The following METTL24 variants were observed in gnomAD, a reference collection of about 807,000 sequenced individuals.
The protein encoded by METTL24 is methyltransferase like 24, also known as probable methyltransferase-like protein 24.
Under a neutral mutation model 32.7 loss-of-function variants are expected in METTL24, and 29 were observed. That is an observed-to-expected ratio of 0.89 (90% confidence interval 0.66 to 1.21). METTL24 has a LOEUF of 1.21. METTL24 is among the 50% of genes most tolerant of loss of function. The pLI is 0.00. For missense variants in METTL24, 439 were observed against 468.1 expected, an observed-to-expected ratio of 0.94 and a Z score of 0.57; for synonymous variants, 163 against 179.5, an observed-to-expected ratio of 0.91 and a Z score of 0.73.
Position 110,355,026 on chromosome 6 carries a change from T to C in METTL24, c.318+2929A>G, listed in dbSNP as rs538336870. On this transcript the variant is annotated intron_variant, in intron 1 of 4. Transcript: ENST00000338882. ...GTAAGATTCTTATACTTTCACATAC[T>C]GGGGTCTCAGGAGTAAACATTTACT... Among the ~76,000 whole-genome samples, 19 of 152,304 alleles carry C rather than the reference T, an allele frequency of 1.2e-4. No individual in the cohort carries two copies. The South Asian group carries it at 3.5e-3, about 28-fold the overall frequency.
chr6:110,341,155 T>C (rs910619113), intron 1 of METTL24, among the ~76,000 whole-genome samples: 1 of 152,186 alleles, frequency 6.6e-6, no homozygotes, highest in Non-Finnish European at 1.5e-5. Flanking sequence ...ATTATACATA[T>C]AGATGGCACT....
At chr6:110,251,841 C>T (rs1463719520) in intron 4 of METTL24, among the ~76,000 whole-genome samples, 1 of 128,592 alleles carries the variant, frequency 7.8e-6, no homozygotes, top group South Asian at 3.0e-4. Flanking sequence ...AAAGGCCACA[C>T]CCCTTCATAC....
At chr6:110,309,514 G>A (rs1014105998) in intron 3 of METTL24, among the ~76,000 whole-genome samples, 1 of 152,148 alleles carries the variant, frequency 6.6e-6, no homozygotes, top group African/African-American at 2.4e-5. Context: ...CCAAGACTGG[G>A]CAATTTATAA....
At chr6:110,293,101 A>G (rs2114726709) in intron 4 of METTL24, among the ~76,000 whole-genome samples, 1 of 152,058 alleles carries the variant, frequency 6.6e-6, no homozygotes, top group African/African-American at 2.4e-5. Flanking sequence ...TATGAACTCT[A>G]GAATCAGCTT....
At chr6:110,319,476 A>G (rs890739415) in intron 2 of METTL24, among the ~76,000 whole-genome samples, 5 of 150,014 alleles carry the variant, frequency 3.3e-5, no homozygotes, top group African/African-American at 1.2e-4. Flanking sequence ...AGACAGAAAA[A>G]CAGGCTTTAA....
intron 4 of METTL24, among the ~76,000 whole-genome samples, chr6:110,281,342 C>T (rs1031751264): frequency 1.3e-5 from 2 of 152,012 alleles, no homozygotes; most frequent in Admixed American, 6.6e-5. Context: ...CCTTGCACAT[C>T]AAATGGGGTG....
chr6:110,300,124 G>A (rs748647497), intron 3 of METTL24, among the ~76,000 whole-genome samples: 4 of 152,038 alleles, frequency 2.6e-5, no homozygotes, highest in Admixed American at 6.6e-5. Flanking sequence ...TGGGTTCCAC[G>A]TCCACAAATT....
intron 4 of METTL24, among the ~76,000 whole-genome samples, chr6:110,278,625 C>T (rs1431408293): frequency 6.6e-6 from 1 of 152,158 alleles, no homozygotes; most frequent in East Asian, 1.9e-4. Context: ...AAAGCACTGC[C>T]TTGGACACTG....
chr6:110,343,379 T>C lies in METTL24; in HGVS notation c.318+14576A>G, dbSNP rs188235774. Among the ~76,000 whole-genome samples, 11 of 152,306 alleles carry C rather than the reference T, an allele frequency of 7.2e-5. 1 individual carries two copies. The East Asian group carries it at 2.1e-3, about 29-fold the overall frequency. Reference sequence around the variant, plus strand: ...CTCTTAATAATAAGAACAATGAACATATAATGAGTGCTTCCTATGGACAAG... The same window carrying C: ...CTCTTAATAATAAGAACAATGAACACATAATGAGTGCTTCCTATGGACAAG... On this transcript the variant is annotated intron_variant, in intron 1 of 4. Coordinates refer to ENST00000338882, the MANE Select transcript of METTL24 (RefSeq NM_001123364.3).
intron 1 of METTL24, among the ~76,000 whole-genome samples, chr6:110,356,456 AAAAAG>A (rs199749706): frequency 0.014 from 2,094 of 150,562 alleles, 45 homozygotes; most frequent in African/African-American, 0.048. Context: ...TAAAAAAAAG[AAAAAG>A]AAAAGAAAAG....
At chr6:110,265,604 G>T (rs1210705160) in intron 4 of METTL24, among the ~76,000 whole-genome samples, 2 of 152,124 alleles carry the variant, frequency 1.3e-5, no homozygotes, top group East Asian at 3.8e-4. Flanking sequence ...TTCCTTAAAG[G>T]AAAAGGCTAT....
Position 110,345,750 on chromosome 6 carries a change from GAAC to G in METTL24, c.318+12202_318+12204del, listed in dbSNP as rs1308184404. ...TGAAAACTCATAGACACAAAGAAGA[GAAC>G]AATAGACACTGACTGGGACCTACTT... is the stretch of plus-strand genomic sequence containing the variant. On this transcript the variant is annotated intron_variant, in intron 1 of 4. Coordinates refer to ENST00000338882, the MANE Select transcript of METTL24 (RefSeq NM_001123364.3). 3.3e-5 allele frequency among the ~76,000 whole-genome samples: 5 copies of G among 152,130 alleles called. 1 individual carries two copies. The South Asian group carries it at 8.3e-4, about 25-fold the overall frequency.
In METTL24 at chr6:110,289,942, TA is replaced by T. The variant is rs550757047; in HGVS notation, c.786+8979del. ...TATATACAAGGAAATTCGTACAGTT[TA>T]AGGATATTGGTCAATTACTTTTTTT... On this transcript the variant is annotated intron_variant, in intron 4 of 4. Coordinates refer to ENST00000338882, the MANE Select transcript of METTL24 (RefSeq NM_001123364.3). Among the ~76,000 whole-genome samples, 460 of 150,794 alleles carry T rather than the reference TA, an allele frequency of 3.1e-3. 1 individual carries two copies. Among genetic ancestry groups the T allele is most frequent in the African/African-American group, 0.011 (440 of 40,136 alleles).
intron 2 of METTL24, among the ~76,000 whole-genome samples, chr6:110,319,282 G>A (rs1771886149): frequency 6.6e-6 from 1 of 152,076 alleles, no homozygotes; most frequent in Non-Finnish European, 1.5e-5. Flanking sequence ...GTGTGTGTGT[G>A]TGTGTGTGTG....
At chr6:110,295,005 C>CTTTTTTTTTTTTT (rs1562228256) in intron 4 of METTL24, among the ~76,000 whole-genome samples, 9 of 96,834 alleles carry the variant, frequency 9.3e-5, no homozygotes, top group African/African-American at 2.9e-4. Context: ...TTCTTTTTTT[C>CTTTTTTTTTTTTT]TTTCTTTCTT....
At chr6:110,290,717 T>C (rs957672467) in intron 4 of METTL24, among the ~76,000 whole-genome samples, 16 of 152,324 alleles carry the variant, frequency 1.1e-4, no homozygotes. Context: ...ATGTTTTCAG[T>C]TATCTTGGGT....
chr6:110,255,480 A>G (rs1381768406), intron 4 of METTL24, among the ~76,000 whole-genome samples: 2 of 152,106 alleles, frequency 1.3e-5, no homozygotes, highest in East Asian at 1.9e-4. Context: ...GCAGGAACCA[A>G]GCAGCACAAA....
rs11759326 is a variant in METTL24 at position 110,348,586 on chromosome 6, T to C, written c.318+9369A>G. ...ACATGAAAAATAAACTAAAATGACT[T>C]GCTGTCGCATTGTGCACAATAGCAA... On this transcript the variant is annotated intron_variant, in intron 1 of 4. Transcript: ENST00000338882. Among the ~76,000 whole-genome samples the C allele has an allele frequency of 7.9e-4, 121 of 152,384 alleles. No homozygotes were observed. The South Asian group carries it at 0.015, about 19-fold the overall frequency.
At position 110,298,522 on chromosome 6, in the gene METTL24, C is replaced by T. The variant is rs188573086; in HGVS notation, c.786+400G>A. Among the ~76,000 whole-genome samples, 28 of 151,646 alleles carry T rather than the reference C, an allele frequency of 1.8e-4. No individual in the cohort carries two copies. The East Asian group carries it at 4.0e-3, about 22-fold the overall frequency. On this transcript the variant is annotated intron_variant, in intron 4 of 4. Coordinates refer to ENST00000338882, the MANE Select transcript of METTL24 (RefSeq NM_001123364.3). The stretch of plus-strand genomic sequence containing the variant: ...TCACAACAGTGAGAAACATGATACA[C>T]AAGCAATATCTTAGTAAACATAACC...
Sources: gnomAD v4.1 joint callset for allele counts (sites outside exome capture counted in the v4.1 genomes callset) on GRCh38, gnomAD v4.1.1 for gene constraint, MANE v1.5 for transcripts, NCBI Gene and HGNC (gene_info 2026-07-23, HGNC 2026-07-21) for gene names.